Variants in GDF7 observed in about 807,000 individuals in gnomAD.
The protein encoded by GDF7 is growth/differentiation factor 7.
In GDF7, 12 loss-of-function variants were observed where a neutral mutation model predicts 13.4. The ratio of observed to expected loss-of-function variants is 0.90; its 90% CI spans 0.57 to 1.45. The LOEUF (loss-of-function observed/expected upper bound fraction) is 1.45. Ranked by LOEUF, GDF7 falls within the 40% of genes most tolerant of loss-of-function variation. GDF7 has a pLI of 0.00. For synonymous variants in GDF7, 330 were observed against 306.4 expected (o/e 1.08, Z -0.80); for missense variants, 651 against 652.4 (o/e 1.00, Z 0.02).
intron 1 of GDF7, among the ~76,000 whole-genome samples, chr2:20,668,790 C>A (rs962543582): frequency 6.6e-6 from 1 of 152,208 alleles, no homozygotes; most frequent in Non-Finnish European, 1.5e-5. Flanking sequence ...TACCCAATCC[C>A]CAAATGGCCC....
At position 20,667,292 on chromosome 2, in the gene GDF7, G is replaced by A; in HGVS notation, c.53G>A (p.Arg18His). 1.7e-6 allele frequency: 2 copies of A among 1,204,984 alleles called. No homozygotes were observed. The highest frequency in any genetic ancestry group is 2.1e-6 in the Non-Finnish European group (2 of 962,396). 74.6% of individuals were successfully genotyped at this position (1,204,984 alleles called of 1,614,324 possible). ...TGCCTTTGGCTGCTGAGCGCCTGCC[G>A]CCCCCGCGACGGGCTGGAAGCGGCC... ...ALCLWLLSAC[R>H]PRDGLEAAAV... The change falls in exon 1 of 2, where the codon CGC (arginine) becomes CAC (histidine). Residue 18 changes from arginine (R) to histidine (H), a missense_variant. Arg to His is a conservative substitution (Grantham distance 29). Transcript: ENST00000272224. This position sits in a 1 kb window ranked among gnomAD's most constrained non-coding sequence, Gnocchi z 6.4.
Position 20,671,036 on chromosome 2 carries a change from A to G in GDF7, c.964A>G (p.Thr322Ala), listed in dbSNP as rs1426631345. ...AVIGGRRRRR[T>A]ALAGTRTAQG... ...CATTGGCGGCCGCAGACGGAGGAGG[A>G]CGGCGTTGGCCGGGACGCGGACAGC... Residue 322 changes from threonine (T) to alanine (A), a missense_variant, in exon 2 of 2, where the codon ACG (threonine) becomes GCG (alanine). By Grantham distance (58) the Thr-to-Ala change is moderately conservative. Transcript: ENST00000272224. The G allele has an allele frequency of 1.3e-6, 2 of 1,522,286 alleles. No individual in the cohort carries two copies. Among genetic ancestry groups the G allele is most frequent in the Middle Eastern group, 1.8e-4 (1 of 5,664 alleles). 94.3% of individuals were successfully genotyped at this position (1,522,286 alleles called of 1,614,324 possible). A position where few individuals can be genotyped will look rare whatever the true frequency, so the allele number is the denominator to read the frequency against.
Position 20,670,940 on chromosome 2 carries a change from G to A in GDF7, c.868G>A (p.Ala290Thr), listed in dbSNP as rs1431858579. The A allele has an allele frequency of 6.4e-7, 1 of 1,570,454 alleles. No individual in the cohort carries two copies. The change falls in exon 2 of 2, where the codon GCG becomes ACG. Residue 290 changes from alanine to threonine, a missense_variant. Physicochemically the swap from Ala to Thr is moderately conservative, Grantham distance 58. Coordinates refer to ENST00000272224, the MANE Select transcript of GDF7 (RefSeq NM_182828.4). ...LFREIRAQARALGAALASEPL... is the reference protein window; with the variant it reads ...LFREIRAQARTLGAALASEPL... ...CCGGGAGATCCGCGCCCAGGCCCGC[G>A]CGCTCGGGGCCGCTCTGGCCTCAGA...
In GDF7 at chr2:20,676,623, C is replaced by A. The variant is rs535820072; in HGVS notation, c.*5198C>A. ...GGGTGACTGAGGGCCTAGAAGTTGC[C>A]GCGTGAGCTCTGATCATCATTAGGG... On this transcript the variant is annotated 3_prime_UTR_variant, in exon 2 of 2. Transcript: ENST00000272224. 6.6e-6 allele frequency: 1 copy of A among 152,246 alleles called. No individual in the cohort carries two copies. Among genetic ancestry groups the A allele is most frequent in the Admixed American group, 6.5e-5 (1 of 15,282 alleles). The allele number at this position is 152,246 out of a possible 1,614,324, so 9.4% of individuals were successfully genotyped here.
rs1379034832 is a variant in GDF7, at chr2:20,674,465, A to C, written c.*3040A>C. 1 of 152,212 alleles carries C rather than the reference A, an allele frequency of 6.6e-6. No homozygotes were observed. Among genetic ancestry groups the C allele is most frequent in the Non-Finnish European group, 1.5e-5 (1 of 68,036 alleles). The allele number at this position is 152,212 out of a possible 1,614,324, so 9.4% of individuals were successfully genotyped here. ...CTCGGGACAGGCCAGCTGGGGCCCA[A>C]CGGGGGCTGGTGCTGGGTCTGTCAA... On this transcript the variant is annotated 3_prime_UTR_variant, in exon 2 of 2. Transcript: ENST00000272224.
At position 20,667,260 on chromosome 2, in the gene GDF7, C is replaced by G. The variant is rs1488934467; in HGVS notation, c.21C>G (p.Ala7=). 2 of 1,237,566 alleles carry G rather than the reference C, an allele frequency of 1.6e-6. No homozygotes were observed. Among genetic ancestry groups the G allele is most frequent in the Non-Finnish European group, 2.0e-6 (2 of 982,384 alleles). 76.7% of individuals were successfully genotyped at this position (1,237,566 alleles called of 1,614,324 possible). A position where few individuals can be genotyped will look rare whatever the true frequency, so the allele number is the denominator to read the frequency against. ...AGCCCATGGACCTGAGCGCCGCCGC[C>G]GCGCTGTGCCTTTGGCTGCTGAGCG... MDLSAA[A]ALCLWLLSAC... The change falls in exon 1 of 2, where the codon GCC becomes GCG. Residue 7 remains alanine (A), a synonymous_variant. Coordinates refer to ENST00000272224, the MANE Select transcript of GDF7 (RefSeq NM_182828.4). The surrounding 1 kb of genome is among the most constrained non-coding windows in gnomAD (Gnocchi z 6.4).
In GDF7 at chr2:20,673,918, G is replaced by A. The variant is rs1662174089; in HGVS notation, c.*2493G>A. 1 of 152,178 alleles carries A rather than the reference G, an allele frequency of 6.6e-6. No homozygotes were observed. Among genetic ancestry groups the A allele is most frequent in the African/African-American group, 2.4e-5 (1 of 41,420 alleles). The allele number at this position is 152,178 out of a possible 1,614,324, so 9.4% of individuals were successfully genotyped here. Reference sequence around the variant, plus strand: ...AGGAATGCTTCCCAGATTTCCTCTGGAGCAGGTGAAGCCCCCAGGGGCCAC... The same window carrying A: ...AGGAATGCTTCCCAGATTTCCTCTGAAGCAGGTGAAGCCCCCAGGGGCCAC... On this transcript the variant is annotated 3_prime_UTR_variant, in exon 2 of 2. Coordinates refer to ENST00000272224, the MANE Select transcript of GDF7 (RefSeq NM_182828.4).
chr2:20,676,095 G>A lies in GDF7; in HGVS notation c.*4670G>A, dbSNP rs947643244. ...GCTGTGCCTGGTTGGTCACCCAAACGGGGGCCTGGGACTGTCCCAGAAGCC... is the reference window on the plus strand; with the variant it reads ...GCTGTGCCTGGTTGGTCACCCAAACAGGGGCCTGGGACTGTCCCAGAAGCC... On this transcript the variant is annotated 3_prime_UTR_variant, in exon 2 of 2. Transcript: ENST00000272224. 1.3e-4 allele frequency: 20 copies of A among 152,468 alleles called. No individual in the cohort carries two copies. Among genetic ancestry groups the A allele is most frequent in the Non-Finnish European group, 2.5e-4 (17 of 68,252 alleles). 9.4% of individuals were successfully genotyped at this position (152,468 alleles called of 1,614,324 possible). A position where few individuals can be genotyped will look rare whatever the true frequency, so the allele number is the denominator to read the frequency against.
chr2:20,672,495 G>C lies in GDF7; in HGVS notation c.*1070G>C, dbSNP rs1299862938. 6.6e-6 allele frequency: 1 copy of C among 152,290 alleles called. No homozygotes were observed. The highest frequency in any genetic ancestry group is 1.5e-5 in the Non-Finnish European group (1 of 68,066). 9.4% of individuals were successfully genotyped at this position (152,290 alleles called of 1,614,324 possible). On this transcript the variant is annotated 3_prime_UTR_variant, in exon 2 of 2. Coordinates refer to ENST00000272224, the MANE Select transcript of GDF7 (RefSeq NM_182828.4). ...ACTCCGGCTTGCCGGCCAGGTAGGCGGAAGCTCCCGGGGCCGACTCGGGCT... is the reference window on the plus strand; with the variant it reads ...ACTCCGGCTTGCCGGCCAGGTAGGCCGAAGCTCCCGGGGCCGACTCGGGCT...
At position 20,673,108 on chromosome 2, in the gene GDF7, TGAGAGA is replaced by T; in HGVS notation, c.*1688_*1693del. On this transcript the variant is annotated 3_prime_UTR_variant, in exon 2 of 2. Transcript: ENST00000272224. ...TTTTGATTCTCAGTGATTACACTCT[TGAGAGA>T]GAGAAGACAGACTTACGATTTAGAT... 6.6e-6 allele frequency: 1 copy of T among 152,096 alleles called. No homozygotes were observed. The highest frequency in any genetic ancestry group is 1.5e-5 in the Non-Finnish European group (1 of 68,026). The allele number at this position is 152,096 out of a possible 1,614,324, so 9.4% of individuals were successfully genotyped here.
At position 20,670,996 on chromosome 2, in the gene GDF7, G is replaced by A. The variant is rs756980908; in HGVS notation, c.924G>A (p.Ala308=). The A allele has an allele frequency of 1.3e-5, 20 of 1,550,358 alleles. No individual in the cohort carries two copies. In the South Asian group the frequency reaches 1.8e-4, roughly 14 times the overall value. ...EPLPDPGTGT[A]SPRAVIGGRR... is the part of the protein sequence containing the mutation. The stretch of plus-strand genomic sequence containing the variant: ...TGCCCGACCCAGGAACCGGCACCGC[G>A]TCGCCAAGGGCAGTCATTGGCGGCC... The change falls in exon 2 of 2, where the codon GCG becomes GCA. Residue 308 remains alanine (A), a synonymous_variant. Transcript: ENST00000272224.
chr2:20,667,361 G>GC lies in GDF7; in HGVS notation c.122_123insC (p.Gly43ArgfsTer107), dbSNP rs1695981065. ...GGGGCTGGGCCGGTCCGGAGCCCAG[G>GC]GGGCGGCGGCGGCGGCGGCGGCGGC... On this transcript the variant is annotated frameshift_variant, in exon 1 of 2. Transcript: ENST00000272224. LOFTEE classifies it high-confidence loss of function. This position sits in a 1 kb window ranked among gnomAD's most constrained non-coding sequence, Gnocchi z 6.4. 5.2e-6 allele frequency: 5 copies of GC among 952,848 alleles called. No individual in the cohort carries two copies. The Admixed American group carries it at 2.5e-4, about 48-fold the overall frequency. The allele number at this position is 952,848 out of a possible 1,614,324, so 59.0% of individuals were successfully genotyped here. A position where few individuals can be genotyped will look rare whatever the true frequency, so the allele number is the denominator to read the frequency against.
rs968618642 is a variant in GDF7 at position 20,677,606 on chromosome 2, T to C, written c.*6181T>C. The C allele has an allele frequency of 6.6e-6, 1 of 152,188 alleles. No individual in the cohort carries two copies. The allele number at this position is 152,188 out of a possible 1,614,324, so 9.4% of individuals were successfully genotyped here. On this transcript the variant is annotated 3_prime_UTR_variant, in exon 2 of 2. Coordinates refer to ENST00000272224, the MANE Select transcript of GDF7 (RefSeq NM_182828.4). ...ACCAAAGCGAGACTTCCGAGTAAGG[T>C]TCGTTAACAGGCATCCTGCTGAATT... is the stretch of plus-strand genomic sequence containing the variant.
At position 20,671,041 on chromosome 2, in the gene GDF7, G is replaced by T; in HGVS notation, c.969G>T (p.Ala323=). Residue 323 remains alanine (A), a synonymous_variant, in exon 2 of 2, where the codon GCG becomes GCT. Transcript: ENST00000272224. ...GCGGCCGCAGACGGAGGAGGACGGC[G>T]TTGGCCGGGACGCGGACAGCGCAGG... ...VIGGRRRRRT[A]LAGTRTAQGS... The T allele has an allele frequency of 1.3e-6, 2 of 1,517,500 alleles. No individual in the cohort carries two copies. Among genetic ancestry groups the T allele is most frequent in the Middle Eastern group, 1.8e-4 (1 of 5,688 alleles). 94.0% of individuals were successfully genotyped at this position (1,517,500 alleles called of 1,614,324 possible).
rs1370103577 is a variant in GDF7 at position 20,667,145 on chromosome 2, C to T, written c.-95C>T. On this transcript the variant is annotated 5_prime_UTR_variant, in exon 1 of 2. Coordinates refer to ENST00000272224, the MANE Select transcript of GDF7 (RefSeq NM_182828.4). The surrounding 1 kb of genome is among the most constrained non-coding windows in gnomAD (Gnocchi z 6.4). ...GGGGGCCGCGGGCTGGCCGCGCACA[C>T]TTCCCCCATTATTAAACACTATGTT... 9 of 1,013,090 alleles carry T rather than the reference C, an allele frequency of 8.9e-6. No homozygotes were observed. The highest frequency in any genetic ancestry group is 1.1e-5 in the Non-Finnish European group (9 of 845,840). 62.8% of individuals were successfully genotyped at this position (1,013,090 alleles called of 1,614,324 possible). A position where few individuals can be genotyped will look rare whatever the true frequency, so the allele number is the denominator to read the frequency against.
At chr2:20,668,821 C>G (rs1470402501) in intron 1 of GDF7, among the ~76,000 whole-genome samples, 1 of 152,236 alleles carries the variant, frequency 6.6e-6, no homozygotes, top group East Asian at 1.9e-4. Context: ...TTAGAACTAT[C>G]AAGCCTTCTC....
chr2:20,668,331 G>A (rs531298195), intron 1 of GDF7, among the ~76,000 whole-genome samples: 1 of 152,256 alleles, frequency 6.6e-6, no homozygotes, highest in African/African-American at 2.4e-5. Flanking sequence ...GAGGCCTGCT[G>A]GGGACCCTGC....
chr2:20,675,962 A>G lies in GDF7; in HGVS notation c.*4537A>G, dbSNP rs1012922616. 3.3e-5 allele frequency: 5 copies of G among 152,278 alleles called. No homozygotes were observed. The highest frequency in any genetic ancestry group is 1.2e-4 in the African/African-American group (5 of 41,464). 9.4% of individuals were successfully genotyped at this position (152,278 alleles called of 1,614,324 possible). On this transcript the variant is annotated 3_prime_UTR_variant, in exon 2 of 2. Transcript: ENST00000272224. ...TCCAGCTGCAGTTCCTCCTGTGCTC[A>G]GTGGGGTGGGCGGAGCCACACTCAA... is the stretch of plus-strand genomic sequence containing the variant.
chr2:20,667,337 G>T lies in GDF7; in HGVS notation c.98G>T (p.Gly33Val). The change falls in exon 1 of 2, where the codon GGG (glycine) becomes GTG (valine). Residue 33 changes from glycine (G) to valine (V), a missense_variant. By Grantham distance (109) the Gly-to-Val change is moderately radical (BLOSUM62 -3). Around this residue, in one of 4 missense-constraint regions of GDF7, gnomAD observed 61 missense variants for 50.5 expected, o/e 1.21. Transcript: ENST00000272224. The surrounding 1 kb of genome is among the most constrained non-coding windows in gnomAD (Gnocchi z 6.4). ...GCGGCCGCCGTGCTGCGAGCGGCGG[G>T]GGCTGGGCCGGTCCGGAGCCCAGGG... is the stretch of plus-strand genomic sequence containing the variant. ...LEAAAVLRAA[G>V]AGPVRSPGGG... 9.7e-7 allele frequency: 1 copy of T among 1,028,098 alleles called. No homozygotes were observed. The highest frequency in any genetic ancestry group is 1.2e-6 in the Non-Finnish European group (1 of 863,634). The allele number at this position is 1,028,098 out of a possible 1,614,324, so 63.7% of individuals were successfully genotyped here. A position where few individuals can be genotyped will look rare whatever the true frequency, so the allele number is the denominator to read the frequency against.
Sources: gnomAD v4.1 joint callset for allele counts (sites outside exome capture counted in the v4.1 genomes callset) on GRCh38, gnomAD v4.1.1 for gene constraint, gnomAD v4.1.1 regional missense constraint, Gnocchi (gnomAD v3.1) non-coding constraint, MANE v1.5 for transcripts, NCBI Gene and HGNC (gene_info 2026-07-23, HGNC 2026-07-21) for gene names.